The following TRIM16 variants were observed in gnomAD, a reference collection of about 807,000 sequenced individuals.
The protein encoded by TRIM16 is tripartite motif-containing protein 16.
Under a neutral mutation model 50.4 loss-of-function variants are expected in TRIM16, and 33 were observed. The ratio of observed to expected loss-of-function variants is 0.65; its 90% CI spans 0.50 to 0.88. The LOEUF (loss-of-function observed/expected upper bound fraction) is 0.88, where lower values mean the gene tolerates loss of function less well. Ranked by LOEUF, TRIM16 falls within the 40% of genes least tolerant of loss-of-function variation. The pLI is 0.00. For synonymous variants in TRIM16, 229 were observed against 270.7 expected (o/e 0.85, Z 1.51); for missense variants, 581 against 686.8 (o/e 0.85, Z 1.72).
intron 7 of TRIM16, among the ~76,000 whole-genome samples, chr17:15,643,964 G>T (rs62070422): frequency 1.2e-4 from 18 of 152,072 alleles, no homozygotes; most frequent in African/African-American, 4.3e-4. Flanking sequence ...TAAAACGTGT[G>T]GGTTTTTTTC....
At chr17:15,672,077 T>G (rs900271525) in intron 6 of TRIM16, among the ~76,000 whole-genome samples, 5 of 152,100 alleles carry the variant, frequency 3.3e-5, no homozygotes, top group African/African-American at 9.7e-5. Context: ...CTAGTTAGTT[T>G]ATCACAACAG....
At chr17:15,681,318 T>C (rs1989173118) in intron 3 of TRIM16, 1 of 162,000 alleles carries the variant, frequency 6.2e-6, no homozygotes, top group South Asian at 1.9e-4. Flanking sequence ...AAGTGACCAA[T>C]TTTGTAGAAC....
intron 6 of TRIM16, among the ~76,000 whole-genome samples, chr17:15,666,671 C>T (rs1051991150): frequency 6.6e-6 from 1 of 152,202 alleles, no homozygotes; most frequent in Non-Finnish European, 1.5e-5. Flanking sequence ...ATATAGTAGG[C>T]ACTATTGTGT....
intron 6 of TRIM16, among the ~76,000 whole-genome samples, chr17:15,661,827 C>T (rs1988252058): frequency 6.6e-6 from 1 of 151,816 alleles, no homozygotes; most frequent in Admixed American, 6.5e-5. Flanking sequence ...CTTTCCCACT[C>T]TGACCCTGAA....
intron 6 of TRIM16, among the ~76,000 whole-genome samples, chr17:15,669,563 T>G (rs6502466): frequency 0.41 from 62,553 of 151,552 alleles, 13,350 homozygotes; most frequent in Non-Finnish European, 0.47. Flanking sequence ...TTTCTTTTAC[T>G]TATACACTTC....
At chr17:15,677,430 A>T (rs1988996159) in intron 5 of TRIM16, 145 bp downstream of exon 5, 1 of 923,208 alleles carries the variant, frequency 1.1e-6, no homozygotes, top group South Asian at 5.0e-5. Flanking sequence ...GTAGGGTGAG[A>T]AACAGTTTAA....
intron 7 of TRIM16, among the ~76,000 whole-genome samples, chr17:15,645,888 C>T (rs1597623071): frequency 1.3e-5 from 2 of 152,122 alleles, no homozygotes; most frequent in East Asian, 3.9e-4. Context: ...GTGGATCTGG[C>T]CTATTTGGGG....
Position 15,664,249 on chromosome 17 carries a change from A to G in TRIM16, c.-337-12303T>C, listed in dbSNP as rs562808595. Among the ~76,000 whole-genome samples, 29 of 152,338 alleles carry G rather than the reference A, an allele frequency of 1.9e-4. No individual in the cohort carries two copies. The South Asian group carries it at 4.8e-3, about 25-fold the overall frequency. On this transcript the variant is annotated intron_variant, in intron 6 of 11. Transcript: ENST00000649191. ...CAGGCACAGGTGAAACTCAAAACAGAGCACGTAGCAGGACTGGACGTAGCC... is the reference window on the plus strand; with the variant it reads ...CAGGCACAGGTGAAACTCAAAACAGGGCACGTAGCAGGACTGGACGTAGCC...
Position 15,651,688 on chromosome 17 carries a change from C to A in TRIM16, c.-79G>T, listed in dbSNP as rs1987717802. 1 of 1,556,494 alleles carries A rather than the reference C, an allele frequency of 6.4e-7. No homozygotes were observed. The highest frequency in any genetic ancestry group is 1.4e-5 in the African/African-American group (1 of 73,348). ...GTGCAGCCCAAGTCAGACAAGAGAA[C>A]CACGCCTAGATGATTGCAGCTGCTG... On this transcript the variant is annotated 5_prime_UTR_variant, in exon 7 of 12. Coordinates refer to ENST00000649191, the MANE Select transcript of TRIM16 (RefSeq NM_001348119.1).
chr17:15,680,391 T>G (rs1413471765), intron 4 of TRIM16, among the ~76,000 whole-genome samples: 1 of 149,990 alleles, frequency 6.7e-6, no homozygotes, highest in Non-Finnish European at 1.5e-5. Context: ...CACACAGATT[T>G]GTGTACATCT....
Position 15,658,819 on chromosome 17 carries a change from A to G in TRIM16, c.-337-6873T>C, listed in dbSNP as rs1357274409. 25 of 985,332 alleles carry G rather than the reference A, an allele frequency of 2.5e-5. No homozygotes were observed. The East Asian group carries it at 9.1e-4, about 36-fold the overall frequency. The allele number at this position is 985,332 out of a possible 1,614,324, so 61.0% of individuals were successfully genotyped here. ...TGGCTTACCTGGAGGTGCAGGCCCA[A>G]TGAACTTTCTGGTTTGGGGTCACTA... On this transcript the variant is annotated intron_variant, in intron 6 of 11. Transcript: ENST00000649191.
chr17:15,656,964 C>T (rs1988011302), intron 6 of TRIM16, among the ~76,000 whole-genome samples: 1 of 152,018 alleles, frequency 6.6e-6, no homozygotes, highest in Non-Finnish European at 1.5e-5. Context: ...TGGGGTCTCA[C>T]TATGTTGCCC....
rs1266668208 is a variant in TRIM16 at position 15,678,875 on chromosome 17, CTCCTTT to C, written c.-589-1160_-589-1155del. Among the ~76,000 whole-genome samples the C allele has an allele frequency of 2.8e-3, 376 of 135,088 alleles. 4 individuals are homozygous for C. The highest frequency in any genetic ancestry group is 6.3e-3 in the African/African-American group (207 of 32,896). 88.6% of individuals were successfully genotyped at this position (135,088 alleles called of 152,430 possible). The stretch of plus-strand genomic sequence containing the variant: ...ATTTACGACTGGAGAAATGCAGACT[CTCCTTT>C]TTTTTTTTTTTTTTGAGACGGAGTC... On this transcript the variant is annotated intron_variant, in intron 4 of 11. Transcript: ENST00000649191.
Position 15,673,260 on chromosome 17 carries a change from T to C in TRIM16, c.-338+3916A>G, listed in dbSNP as rs1229219925. ...AATTTCTTAAAGTTACGAAGGATTTTGGGCATTTCAAAAATTATTTCCAGA... is the reference window on the plus strand; with the variant it reads ...AATTTCTTAAAGTTACGAAGGATTTCGGGCATTTCAAAAATTATTTCCAGA... On this transcript the variant is annotated intron_variant, in intron 6 of 11. Transcript: ENST00000649191. Among the ~76,000 whole-genome samples, 8 of 152,360 alleles carry C rather than the reference T, an allele frequency of 5.3e-5. No individual in the cohort carries two copies. In the East Asian group the frequency reaches 1.3e-3, roughly 26 times the overall value.
chr17:15,637,309 C>G, intron 8 of TRIM16, among the ~76,000 whole-genome samples: 1 of 111,968 alleles, frequency 8.9e-6, no homozygotes, highest in Non-Finnish European at 1.8e-5. Flanking sequence ...GTGAGGAGCC[C>G]CTCAGCCCGG....
At chr17:15,678,465 G>A (rs1282719600) in intron 4 of TRIM16, among the ~76,000 whole-genome samples, 2 of 152,152 alleles carry the variant, frequency 1.3e-5, no homozygotes, top group Non-Finnish European at 2.9e-5. Flanking sequence ...ATGCAAGCAG[G>A]AGTGATGTGC....
intron 7 of TRIM16, among the ~76,000 whole-genome samples, chr17:15,644,131 G>A (rs1987243017): frequency 6.6e-6 from 1 of 152,204 alleles, no homozygotes; most frequent in Non-Finnish European, 1.5e-5. Flanking sequence ...CACCCTCCAT[G>A]GACTTCCACC....
intron 7 of TRIM16, among the ~76,000 whole-genome samples, chr17:15,644,731 C>T (rs959804292): frequency 1.3e-5 from 2 of 152,142 alleles, no homozygotes; most frequent in African/African-American, 4.8e-5. Context: ...CTTACCACTT[C>T]AGAGAGTCTG....
Position 15,677,282 on chromosome 17 carries a change from T to C in TRIM16, c.-442-2A>G. The C allele has an allele frequency of 1.0e-6, 1 of 985,370 alleles. No individual in the cohort carries two copies. The highest frequency in any genetic ancestry group is 1.7e-5 in the African/African-American group (1 of 57,346). 61.0% of individuals were successfully genotyped at this position (985,370 alleles called of 1,614,324 possible). A position where few individuals can be genotyped will look rare whatever the true frequency, so the allele number is the denominator to read the frequency against. On this transcript the variant is annotated splice_acceptor_variant, in intron 5 of 11. Transcript: ENST00000649191. LOFTEE classifies it low-confidence loss of function (5UTR_SPLICE). ...CAGGTTTGGAAAATGGAAATCCTAC[T>C]GAAGAGATACAAACAGAATGTAATT... is the stretch of plus-strand genomic sequence containing the variant.
Sources: allele counts gnomAD v4.1 joint callset (sites outside exome capture counted in the v4.1 genomes callset), GRCh38; gene constraint gnomAD v4.1.1; transcripts MANE v1.5; gene names NCBI Gene and HGNC (gene_info 2026-07-23, HGNC 2026-07-21).